The following TMEM53 variants were observed in gnomAD, a reference collection of about 807,000 sequenced individuals.
TMEM53 encodes the protein transmembrane protein 53, also known as novel DUF829 domain-containing protein.
Under a neutral mutation model 21.4 loss-of-function variants are expected in TMEM53, and 14 were observed. That is an observed-to-expected ratio of 0.65 (90% confidence interval 0.43 to 1.02). TMEM53 has a LOEUF of 1.02. Ranked by LOEUF, TMEM53 falls within the 50% of genes least tolerant of loss-of-function variation. The pLI, the probability that TMEM53 is intolerant of heterozygous loss-of-function variation, is 0.00. For missense variants in TMEM53, 323 were observed against 383.6 expected, an observed-to-expected ratio of 0.84 and a Z score of 1.32; for synonymous variants, 148 against 157.4, an observed-to-expected ratio of 0.94 and a Z score of 0.45.
chr1:44,656,242 GA>G lies in TMEM53; in HGVS notation c.184-1034del, dbSNP rs145528071. ...ATCTATAAGATTACGGTGAAATTGG[GA>G]TAACACCCACCTCATAAGGTTATGG... On this transcript the variant is annotated intron_variant, in intron 2 of 2. Transcript: ENST00000372237. Among the ~76,000 whole-genome samples the G allele has an allele frequency of 8.5e-3, 1,299 of 152,046 alleles. 19 individuals are homozygous for G. Among genetic ancestry groups the G allele is most frequent in the African/African-American group, 0.03 (1,241 of 41,464 alleles).
At chr1:44,668,209 G>A (rs975124260) in intron 1 of TMEM53, among the ~76,000 whole-genome samples, 7 of 152,234 alleles carry the variant, frequency 4.6e-5, no homozygotes, top group South Asian at 2.1e-4. Flanking sequence ...TTGGGAGGCC[G>A]AGGTGGGCGG....
Position 44,654,372 on chromosome 1 carries a change from G to C in TMEM53, c.*187C>G. On this transcript the variant is annotated 3_prime_UTR_variant, in exon 3 of 3. Coordinates refer to ENST00000372237, the MANE Select transcript of TMEM53 (RefSeq NM_024587.4). This position sits in a 1 kb window ranked among gnomAD's most constrained non-coding sequence, Gnocchi z 7.0. ...AGGCACTCCTGCCCCTTAGGATTCT[G>C]TGGTAAGCAGACCACCAGCAGACAG... 1.5e-6 allele frequency: 1 copy of C among 649,060 alleles called. No individual in the cohort carries two copies. Among genetic ancestry groups the C allele is most frequent in the Non-Finnish European group, 2.6e-6 (1 of 382,142 alleles). 40.2% of individuals were successfully genotyped at this position (649,060 alleles called of 1,614,324 possible). A position where few individuals can be genotyped will look rare whatever the true frequency, so the allele number is the denominator to read the frequency against.
chr1:44,667,977 T>C (rs1336443405), intron 1 of TMEM53, among the ~76,000 whole-genome samples: 1 of 152,158 alleles, frequency 6.6e-6, no homozygotes, highest in African/African-American at 2.4e-5. Context: ...AATACGTATA[T>C]TGTACAACAG....
At chr1:44,661,347 C>T (rs1379382974) in intron 1 of TMEM53, among the ~76,000 whole-genome samples, 7 of 151,960 alleles carry the variant, frequency 4.6e-5, no homozygotes, top group Admixed American at 6.6e-5. Context: ...TCTCCTGCCT[C>T]GGCCTACTGA....
intron 1 of TMEM53, among the ~76,000 whole-genome samples, chr1:44,673,273 G>A (rs1645029997): frequency 6.6e-6 from 1 of 152,224 alleles, no homozygotes; most frequent in African/African-American, 2.4e-5. Flanking sequence ...AGATGCTACG[G>A]GAGGGATCTG....
At chr1:44,671,084 G>A (rs749047639) in intron 1 of TMEM53, among the ~76,000 whole-genome samples, 13 of 152,142 alleles carry the variant, frequency 8.5e-5, no homozygotes, top group Non-Finnish European at 1.2e-4. Context: ...TCAAAAACAC[G>A]ACAACAGGAA....
intron 1 of TMEM53, among the ~76,000 whole-genome samples, chr1:44,673,198 C>T (rs527393674): frequency 6.6e-6 from 1 of 152,214 alleles, no homozygotes; most frequent in South Asian, 2.1e-4. Context: ...AACAGCTGGT[C>T]TGGGGCCATC....
intron 2 of TMEM53, among the ~76,000 whole-genome samples, chr1:44,659,475 C>T (rs1487922597): frequency 6.6e-6 from 1 of 152,230 alleles, no homozygotes; most frequent in East Asian, 1.9e-4. Flanking sequence ...TATATCCAAC[C>T]TTGGTTGGAT....
intron 1 of TMEM53, among the ~76,000 whole-genome samples, chr1:44,664,417 A>T (rs1573227679): frequency 6.7e-6 from 1 of 150,166 alleles, no homozygotes; most frequent in South Asian, 2.1e-4. Context: ...GCGCCATTGC[A>T]CTCCAGCCTG....
chr1:44,657,013 A>C lies in TMEM53; in HGVS notation c.184-1804T>G, dbSNP rs58804404. 2.0e-3 allele frequency among the ~76,000 whole-genome samples: 290 copies of C among 148,002 alleles called. 4 individuals are homozygous for C. The East Asian group carries it at 0.049, about 25-fold the overall frequency. Reference sequence around the variant, plus strand: ...GGCGACAGAGCAAGACTCTCTCTCAAAAAAAAAAAAAGAACAACAACAAAA... The same window carrying C: ...GGCGACAGAGCAAGACTCTCTCTCACAAAAAAAAAAAGAACAACAACAAAA... On this transcript the variant is annotated intron_variant, in intron 2 of 2. Coordinates refer to ENST00000372237, the MANE Select transcript of TMEM53 (RefSeq NM_024587.4).
chr1:44,661,757 C>T (rs1573224465), intron 1 of TMEM53, among the ~76,000 whole-genome samples: 1 of 152,282 alleles, frequency 6.6e-6, no homozygotes, highest in Admixed American at 6.5e-5. Flanking sequence ...CCACCCTAAA[C>T]TACTCCAGCA....
rs755767871 is a variant in TMEM53 at position 44,655,750 on chromosome 1, G to A, written c.184-541C>T. Among the ~76,000 whole-genome samples the A allele has an allele frequency of 5.9e-5, 9 of 152,058 alleles. No homozygotes were observed. Among genetic ancestry groups the A allele is most frequent in the Non-Finnish European group, 1.2e-4 (8 of 68,018 alleles). ...CCACCAGAGGCCACTTCTGAGCCAG[G>A]CCCACATCACTTTCATCACTGGTCA... On this transcript the variant is annotated intron_variant, in intron 2 of 2. Coordinates refer to ENST00000372237, the MANE Select transcript of TMEM53 (RefSeq NM_024587.4). This position sits in a 1 kb window ranked among gnomAD's most constrained non-coding sequence, Gnocchi z 4.4.
chr1:44,669,334 T>C (rs1170393846), intron 1 of TMEM53, among the ~76,000 whole-genome samples: 1 of 152,232 alleles, frequency 6.6e-6, no homozygotes, highest in Admixed American at 6.5e-5. Flanking sequence ...TCTCCCATTA[T>C]TGGATATGAT....
chr1:44,671,151 A>G (rs959169295), intron 1 of TMEM53, among the ~76,000 whole-genome samples: 2 of 152,234 alleles, frequency 1.3e-5, no homozygotes, highest in African/African-American at 2.4e-5. Context: ...ATGAAGTAAG[A>G]GAGGGTATTG....
Position 44,654,556 on chromosome 1 carries a change from G to C in TMEM53, c.*3C>G. On this transcript the variant is annotated 3_prime_UTR_variant, in exon 3 of 3. Transcript: ENST00000372237. The surrounding 1 kb of genome is among the most constrained non-coding windows in gnomAD (Gnocchi z 7.0). Reference sequence around the variant, plus strand: ...GGAGCAGAGGTGAGATGGAGCAATGGCCTCAGCAGCGGACGCAGTTGCGCA... The same window carrying C: ...GGAGCAGAGGTGAGATGGAGCAATGCCCTCAGCAGCGGACGCAGTTGCGCA... The C allele has an allele frequency of 6.2e-7, 1 of 1,600,210 alleles. No homozygotes were observed. Among genetic ancestry groups the C allele is most frequent in the Non-Finnish European group, 8.6e-7 (1 of 1,169,258 alleles).
intron 1 of TMEM53, among the ~76,000 whole-genome samples, chr1:44,662,338 C>T (rs920379204): frequency 1.3e-5 from 2 of 152,164 alleles, no homozygotes; most frequent in Non-Finnish European, 2.9e-5. Flanking sequence ...GGTGCTGGCT[C>T]GGCCTCTGAT....
At chr1:44,656,480 C>A (rs1441167784) in intron 2 of TMEM53, among the ~76,000 whole-genome samples, 3 of 152,142 alleles carry the variant, frequency 2.0e-5, no homozygotes, top group Non-Finnish European at 1.5e-5. Flanking sequence ...CCTGGAGTGC[C>A]TAAGCATCCC....
In TMEM53 at chr1:44,654,695, T is replaced by C; in HGVS notation, c.698A>G (p.Glu233Gly). The C allele has an allele frequency of 6.2e-7, 1 of 1,614,090 alleles. No homozygotes were observed. Among genetic ancestry groups the C allele is most frequent in the Non-Finnish European group, 8.5e-7 (1 of 1,180,012 alleles). The change falls in exon 3 of 3, where the codon GAG (glutamate) becomes GGG (glycine). Residue 233 changes from glutamate (E) to glycine (G), a missense_variant. Physicochemically the swap from Glu to Gly is moderately conservative, Grantham distance 98. Transcript: ENST00000372237. The surrounding 1 kb of genome is among the most constrained non-coding windows in gnomAD (Gnocchi z 7.0). ...CAGGACCCGGCGTGCCAGGCGTGCC[T>C]CCACCATGCGTTCTATGTCTCTGGC... ...VLARDIERMV[E>G]ARLARRVLAR...
At chr1:44,665,468 C>A (rs1644940758) in intron 1 of TMEM53, among the ~76,000 whole-genome samples, 1 of 152,024 alleles carries the variant, frequency 6.6e-6, no homozygotes, top group South Asian at 2.1e-4. Flanking sequence ...GAAACCCCGT[C>A]TCTACTAAAT....
Sources: allele counts gnomAD v4.1 joint callset (sites outside exome capture counted in the v4.1 genomes callset), GRCh38; gene constraint gnomAD v4.1.1; non-coding constraint Gnocchi (gnomAD v3.1); transcripts MANE v1.5; gene names NCBI Gene and HGNC (gene_info 2026-07-23, HGNC 2026-07-21).